ABCB10: variants seen among roughly 807,000 people sequenced by gnomAD.
The protein encoded by ABCB10 is ATP binding cassette subfamily B member 10, also known as ATP-binding cassette sub-family B member 10, mitochondrial.
In ABCB10, 54 loss-of-function variants were observed where a neutral mutation model predicts 65.4. That is an observed-to-expected ratio of 0.83 (90% CI 0.66 to 1.04). The LOEUF is 1.04. ABCB10 is among the 50% of genes least tolerant of loss of function. The pLI is 0.00. For missense variants in ABCB10, 846 were observed against 976.6 expected, an observed-to-expected ratio of 0.87 and a Z score of 1.78; for synonymous variants, 418 against 406.5, an observed-to-expected ratio of 1.03 and a Z score of -0.34.
chr1:229,521,215 C>CTG (rs1454138032), intron 11 of ABCB10, among the ~76,000 whole-genome samples: 1 of 152,092 alleles, frequency 6.6e-6, no homozygotes, highest in East Asian at 1.9e-4. Flanking sequence ...TACTTCAAGT[C>CTG]TGTACTATTC....
At chr1:229,557,001 A>T (rs1196087730) in intron 1 of ABCB10, among the ~76,000 whole-genome samples, 1 of 149,306 alleles carries the variant, frequency 6.7e-6, no homozygotes, top group Non-Finnish European at 1.5e-5. Flanking sequence ...TTTACAACAA[A>T]ATCTACACTC....
At chr1:229,544,116 T>C (rs942738175) in intron 3 of ABCB10, among the ~76,000 whole-genome samples, 1 of 152,166 alleles carries the variant, frequency 6.6e-6, no homozygotes. Flanking sequence ...ATGAAGTGTT[T>C]TGAATAGCAG....
In ABCB10 at chr1:229,542,290, A is replaced by G; in HGVS notation, c.1003T>C (p.Tyr335His). The change falls in exon 4 of 13, where the codon TAT (tyrosine) becomes CAT (histidine). Residue 335 changes from tyrosine (Y) to histidine (H), a missense_variant. By Grantham distance (83) the Tyr-to-His change is moderately conservative. This residue lies in a region of ABCB10 where 632 missense variants were observed against 803.2 expected (regional missense o/e 0.79). Transcript: ENST00000344517. ...VSIIAVIYGRYLRKLTKVTQD... is the reference protein window; with the variant it reads ...VSIIAVIYGRHLRKLTKVTQD... Reference sequence around the variant, plus strand: ...GTGACTTTGGTCAGTTTCCGTAGATATCGCCCATAAATTACAGCAATGATT... The same window carrying G: ...GTGACTTTGGTCAGTTTCCGTAGATGTCGCCCATAAATTACAGCAATGATT... 2 of 1,614,150 alleles carry G rather than the reference A, an allele frequency of 1.2e-6. No individual in the cohort carries two copies. The highest frequency in any genetic ancestry group is 2.2e-5 in the South Asian group (2 of 91,076).
In ABCB10 at chr1:229,521,615, C is replaced by T. The variant is rs754042899; in HGVS notation, c.1927G>A (p.Ala643Thr). 3.7e-6 allele frequency: 6 copies of T among 1,612,782 alleles called. No homozygotes were observed. Among genetic ancestry groups the T allele is most frequent in the Non-Finnish European group, 5.1e-6 (6 of 1,179,436 alleles). The change falls in exon 11 of 13, where the codon GCG (alanine) becomes ACG (threonine). Residue 643 changes from alanine (A) to threonine (T), a missense_variant. Ala to Thr is a moderately conservative substitution (Grantham distance 58, BLOSUM62 0). Transcript: ENST00000344517. ...ACCTTTAGCAGAGCACGGGCAATCG[C>T]AATCCGCTGTTTCTGCCCACCTGAC... ...LLSGGQKQRI[A>T]IARALLKNPK...
rs569977632 is a variant in ABCB10, at chr1:229,537,624, T to TA, written c.1339+1831dup. ...CAACATGGTGAAACCCCGTCTCTAT[T>TA]AAAAAAATCCAAAAAATTAGCCAGG... On this transcript the variant is annotated intron_variant, in intron 6 of 12. Transcript: ENST00000344517. Among the ~76,000 whole-genome samples, 50 of 152,068 alleles carry TA rather than the reference T, an allele frequency of 3.3e-4. 1 individual carries two copies. The highest frequency in any genetic ancestry group is 2.3e-3 in the South Asian group (11 of 4,824).
Position 229,539,502 on chromosome 1 carries a change from G to C in ABCB10, c.1293C>G (p.Leu431=), listed in dbSNP as rs369595415. ...MGSAHMTVGE[L]SSFLMYAFWV... ...AGAAAGCATACATTAGGAAGGAAGA[G>C]AGTTCACCCACGGTCATGTGGGCAC... Residue 431 remains leucine (L), a synonymous_variant, in exon 6 of 13, where the codon CTC becomes CTG. Transcript: ENST00000344517. The C allele has an allele frequency of 6.2e-7, 1 of 1,613,824 alleles. No individual in the cohort carries two copies. The highest frequency in any genetic ancestry group is 1.7e-5 in the Admixed American group (1 of 59,988).
At chr1:229,553,013 G>A (rs1020968345) in intron 1 of ABCB10, among the ~76,000 whole-genome samples, 1 of 152,176 alleles carries the variant, frequency 6.6e-6, no homozygotes, top group Non-Finnish European at 1.5e-5. Flanking sequence ...GGGTGCACAG[G>A]AAGGAGAACT....
chr1:229,524,131 C>G (rs988911385), intron 10 of ABCB10, among the ~76,000 whole-genome samples: 7 of 151,960 alleles, frequency 4.6e-5, no homozygotes, highest in African/African-American at 1.7e-4. Flanking sequence ...AAAGAGGCAA[C>G]CACCCTCTGC....
chr1:229,553,609 T>C (rs1204147975), intron 1 of ABCB10, among the ~76,000 whole-genome samples: 1 of 151,636 alleles, frequency 6.6e-6, no homozygotes, highest in Non-Finnish European at 1.5e-5. Context: ...ATTTTTCCTC[T>C]CTGAAAAATG....
intron 8 of ABCB10, among the ~76,000 whole-genome samples, chr1:229,529,852 G>A (rs1315838500): frequency 6.6e-6 from 1 of 152,036 alleles, no homozygotes; most frequent in Non-Finnish European, 1.5e-5. Flanking sequence ...AGCACCCCAG[G>A]CACTCTGTCC....
At chr1:229,546,192 T>C (rs565695294) in intron 3 of ABCB10, among the ~76,000 whole-genome samples, 2 of 151,936 alleles carry the variant, frequency 1.3e-5, no homozygotes, top group South Asian at 2.1e-4. Context: ...AAAAAAAGCT[T>C]TTATGATGAT....
At chr1:229,550,421 A>C (rs970673167) in intron 1 of ABCB10, among the ~76,000 whole-genome samples, 1 of 150,378 alleles carries the variant, frequency 6.6e-6, no homozygotes, top group African/African-American at 2.5e-5. Context: ...GCTACTCAGA[A>C]GCCTGAGGTA....
intron 1 of ABCB10, among the ~76,000 whole-genome samples, chr1:229,553,878 C>A (rs1663178544): frequency 3.3e-5 from 5 of 152,098 alleles, no homozygotes; most frequent in Admixed American, 3.3e-4. Flanking sequence ...AACAATCCCT[C>A]CCTCACAGAA....
At chr1:229,541,951 C>CA (rs1180453323) in intron 4 of ABCB10, among the ~76,000 whole-genome samples, 4,643 of 68,246 alleles carry the variant, frequency 0.068, 145 homozygotes, top group African/African-American at 0.17. Flanking sequence ...TACCTTGTCT[C>CA]AAAAAAAAAA....
intron 6 of ABCB10, among the ~76,000 whole-genome samples, chr1:229,535,590 G>A (rs1571966960): frequency 6.6e-6 from 1 of 152,328 alleles, no homozygotes; most frequent in East Asian, 1.9e-4. Context: ...CTTTGAGGCA[G>A]TAAAACTACT....
chr1:229,525,977 C>T lies in ABCB10; in HGVS notation c.1865G>A (p.Gly622Glu), dbSNP rs373067837. ...CTTTTCTCCAACCACAGTGTTGAAC[C>T]CTTGGGGGAAATTCCGGATGAAGGC... ...AVAFIRNFPQ[G>E]FNTVVGEKGV... Residue 622 changes from glycine to glutamate, a missense_variant, in exon 10 of 13, where the codon GGG becomes GAG. Around this residue, in one of 2 missense-constraint regions of ABCB10, gnomAD observed 632 missense variants for 803.2 expected, o/e 0.79. Coordinates refer to ENST00000344517, the MANE Select transcript of ABCB10 (RefSeq NM_012089.3). 1.9e-6 allele frequency: 3 copies of T among 1,614,140 alleles called. No homozygotes were observed. The highest frequency in any genetic ancestry group is 2.5e-6 in the Non-Finnish European group (3 of 1,180,022).
At chr1:229,546,087 A>AAC (rs1662957338) in intron 3 of ABCB10, among the ~76,000 whole-genome samples, 1 of 151,128 alleles carries the variant, frequency 6.6e-6, no homozygotes, top group South Asian at 2.1e-4. Context: ...CAGGAGAATC[A>AAC]CTTGAACCCG....
At position 229,549,359 on chromosome 1, in the gene ABCB10, A is replaced by G. The variant is rs1011572223; in HGVS notation, c.593T>C (p.Val198Ala). The G allele has an allele frequency of 6.2e-7, 1 of 1,614,156 alleles. No homozygotes were observed. The highest frequency in any genetic ancestry group is 1.3e-5 in the African/African-American group (1 of 75,048). The change falls in exon 2 of 13, where the codon GTC becomes GCC. Residue 198 changes from valine (V) to alanine (A), a missense_variant. Val to Ala is a moderately conservative substitution (Grantham distance 64). Around this residue, in one of 2 missense-constraint regions of ABCB10, gnomAD observed 632 missense variants for 803.2 expected, o/e 0.79. Transcript: ENST00000344517. Reference sequence around the variant, plus strand: ...GTCCACAGTGGGGTTGGTATAGATGACATCAATGATCTTCCCCAGGAAGAA... The same window carrying G: ...GTCCACAGTGGGGTTGGTATAGATGGCATCAATGATCTTCCCCAGGAAGAA... ...APFFLGKIID[V>A]IYTNPTVDYS... is the part of the protein sequence containing the mutation.
At chr1:229,558,111 G>A (rs749645060) in intron 1 of ABCB10, 25 bp downstream of exon 1, 95 of 1,340,480 alleles carry the variant, frequency 7.1e-5, no homozygotes, top group Non-Finnish European at 7.9e-5. Flanking sequence ...GCCCGGCGGA[G>A]GGAAGTGGCC....
Sources: allele counts gnomAD v4.1 joint callset (sites outside exome capture counted in the v4.1 genomes callset), GRCh38; gene constraint gnomAD v4.1.1; regional missense constraint gnomAD v4.1.1; transcripts MANE v1.5; gene names NCBI Gene and HGNC (gene_info 2026-07-23, HGNC 2026-07-21).